The following CDYL variants were observed in gnomAD, a reference collection of about 807,000 sequenced individuals.
The protein encoded by CDYL is chromodomain Y like.
A neutral mutation model predicts 47.3 loss-of-function variants in CDYL; 8 were observed. The observed-to-expected ratio is 0.17, with a 90% CI of 0.10 to 0.31. The LOEUF is 0.31. Ranked by LOEUF, CDYL falls within the 10% of genes least tolerant of loss-of-function variation. The pLI, the probability that CDYL is intolerant of heterozygous loss-of-function variation, is 1.00. For synonymous variants in CDYL, 266 were observed against 265.0 expected (o/e 1.00, Z -0.04); for missense variants, 471 against 701.4 (o/e 0.67, Z 3.71).
At chr6:4,922,892 C>T (rs1757758703) in intron 2 of CDYL, among the ~76,000 whole-genome samples, 1 of 152,200 alleles carries the variant, frequency 6.6e-6, no homozygotes, top group African/African-American at 2.4e-5. Flanking sequence ...GCCTGAGCTC[C>T]ACCCAGAGTC....
intron 1 of CDYL, among the ~76,000 whole-genome samples, chr6:4,853,028 G>A (rs1483081044): frequency 1.3e-5 from 2 of 152,088 alleles, no homozygotes; most frequent in Non-Finnish European, 2.9e-5. Flanking sequence ...GGCCTCAAGT[G>A]GTCCTCCTCT....
At chr6:4,844,341 T>TG (rs914617657) in intron 1 of CDYL, among the ~76,000 whole-genome samples, 27 of 152,194 alleles carry the variant, frequency 1.8e-4, no homozygotes, top group African/African-American at 5.8e-4. Flanking sequence ...TCAGGTGGTG[T>TG]GGGGGCCCTA....
chr6:4,778,717 AT>A (rs1376460850), intron 1 of CDYL, among the ~76,000 whole-genome samples: 1 of 152,148 alleles, frequency 6.6e-6, no homozygotes, highest in Non-Finnish European at 1.5e-5. Context: ...CAGGTGATAA[AT>A]TTAAGTATGT....
intron 2 of CDYL, among the ~76,000 whole-genome samples, chr6:4,897,073 C>G (rs1293996875): frequency 6.6e-6 from 1 of 152,182 alleles, no homozygotes; most frequent in Non-Finnish European, 1.5e-5. Flanking sequence ...TTCTCTCTAT[C>G]AATGTTTAAT....
intron 1 of CDYL, among the ~76,000 whole-genome samples, chr6:4,822,694 A>G (rs1002500104): frequency 1.3e-5 from 2 of 152,192 alleles, no homozygotes; most frequent in Admixed American, 6.5e-5. Flanking sequence ...CATTGCTGCC[A>G]TCTGCTATGG....
intron 1 of CDYL, among the ~76,000 whole-genome samples, chr6:4,806,297 C>T (rs1759368426): frequency 6.6e-6 from 1 of 152,206 alleles, no homozygotes. Context: ...CAGGGCAGGG[C>T]GAGGTCTGCA....
chr6:4,900,829 A>ATATATATATATATATATATC (rs1757026164), intron 2 of CDYL, among the ~76,000 whole-genome samples: 2 of 80,252 alleles, frequency 2.5e-5, no homozygotes, highest in Non-Finnish European at 2.5e-5. Context: ...ATATATATAT[A>ATATATATATATATATATATC]TCTTGCCTGT....
intron 2 of CDYL, among the ~76,000 whole-genome samples, chr6:4,734,165 G>A (rs888512873): frequency 4.6e-5 from 7 of 151,966 alleles, no homozygotes; most frequent in South Asian, 4.2e-4. Flanking sequence ...CCCCTCTGGC[G>A]TTGTCGGGAA....
intron 3 of CDYL, among the ~76,000 whole-genome samples, chr6:4,761,241 C>T (rs1453982153): frequency 6.6e-6 from 1 of 152,176 alleles, no homozygotes; most frequent in Non-Finnish European, 1.5e-5. Context: ...GATCTTTAAA[C>T]ATATCCTTTC....
chr6:4,793,777 G>A (rs1410677075), intron 1 of CDYL, among the ~76,000 whole-genome samples: 1 of 152,108 alleles, frequency 6.6e-6, no homozygotes, highest in African/African-American at 2.4e-5. Flanking sequence ...GTATTGCTGA[G>A]CAGGATTTAC....
intron 2 of CDYL, among the ~76,000 whole-genome samples, chr6:4,906,787 G>C (rs2127497460): frequency 6.6e-6 from 1 of 152,096 alleles, no homozygotes; most frequent in East Asian, 1.9e-4. Context: ...GTTTTGGTTT[G>C]GTTTCGTTTT....
At chr6:4,947,518 C>T (rs883487) in intron 5 of CDYL, among the ~76,000 whole-genome samples, 1 of 152,194 alleles carries the variant, frequency 6.6e-6, no homozygotes, top group African/African-American at 2.4e-5. Flanking sequence ...CACCCATGTC[C>T]CTGCCCCTCA....
intron 2 of CDYL, among the ~76,000 whole-genome samples, chr6:4,894,892 TATATACACACGTAC>T (rs1762160434): frequency 4.7e-5 from 7 of 150,474 alleles, no homozygotes; most frequent in African/African-American, 1.5e-4. Flanking sequence ...TGTGTGTGTA[TATATACACACGTAC>T]GTGTGTATAT....
intron 1 of CDYL, among the ~76,000 whole-genome samples, chr6:4,879,218 T>A (rs1002328832): frequency 3.9e-5 from 6 of 152,230 alleles, no homozygotes; most frequent in Non-Finnish European, 7.4e-5. Flanking sequence ...TTAAGAGTGC[T>A]GTTGAAGTCT....
intron 3 of CDYL, among the ~76,000 whole-genome samples, chr6:4,768,636 A>G (rs1758291576): frequency 6.6e-6 from 1 of 152,216 alleles, no homozygotes; most frequent in South Asian, 2.1e-4. Context: ...ATGCAGAAGA[A>G]TTGTAGATAC....
At chr6:4,828,654 T>C (rs948881104) in intron 1 of CDYL, among the ~76,000 whole-genome samples, 1 of 152,224 alleles carries the variant, frequency 6.6e-6, no homozygotes, top group Admixed American at 6.5e-5. Context: ...GTAAATCATG[T>C]CTTTCTTCAG....
intron 1 of CDYL, among the ~76,000 whole-genome samples, chr6:4,842,316 C>T (rs539348478): frequency 2.7e-5 from 4 of 148,968 alleles, no homozygotes; most frequent in Admixed American, 1.3e-4. Context: ...ATTGTTTCTT[C>T]GTTGACTTTC....
At chr6:4,713,258 G>A (rs1757184809) in intron 1 of CDYL, among the ~76,000 whole-genome samples, 1 of 152,130 alleles carries the variant, frequency 6.6e-6, no homozygotes, top group Non-Finnish European at 1.5e-5. Context: ...GTGCTTCTCT[G>A]CTCTACCCGG....
At chr6:4,894,923 A>ATGTG (rs1491241968) in intron 2 of CDYL, among the ~76,000 whole-genome samples, 38 of 49,734 alleles carry the variant, frequency 7.6e-4, no homozygotes, top group African/African-American at 2.3e-3. Flanking sequence ...ATATATACAC[A>ATGTG]TATGTATGTG....
Sources: gnomAD v4.1 joint callset for allele counts (sites outside exome capture counted in the v4.1 genomes callset) on GRCh38, gnomAD v4.1.1 for gene constraint, MANE v1.5 for transcripts, NCBI Gene and HGNC (gene_info 2026-07-23, HGNC 2026-07-21) for gene names.